NSD1: variants seen among roughly 807,000 people sequenced by gnomAD.
NSD1 encodes nuclear receptor binding SET domain protein 1.
A neutral mutation model predicts 242.7 loss-of-function variants in NSD1; 26 were observed. That is an observed-to-expected ratio of 0.11 (90% CI 0.08 to 0.15). The LOEUF is 0.15. Ranked by LOEUF, NSD1 falls within the 10% of genes least tolerant of loss-of-function variation. NSD1 has a pLI of 1.00. For synonymous variants in NSD1, 1,106 were observed against 1,178.1 expected (o/e 0.94, Z 1.25); for missense variants, 2,495 against 3,272.8 (o/e 0.76, Z 5.80).
intron 2 of NSD1, among the ~76,000 whole-genome samples, chr5:177,148,393 C>G (rs940744366): frequency 6.6e-6 from 1 of 152,112 alleles, no homozygotes; most frequent in African/African-American, 2.4e-5. Flanking sequence ...GCTGGGATTA[C>G]AGGCGTGAGC....
intron 3 of NSD1, among the ~76,000 whole-genome samples, chr5:177,198,943 C>T (rs1472311454): frequency 6.6e-6 from 1 of 152,202 alleles, no homozygotes; most frequent in Non-Finnish European, 1.5e-5. Flanking sequence ...CCTTAAGCAA[C>T]CACTAATGTA....
chr5:177,212,800 A>C (rs1763464682), intron 5 of NSD1, among the ~76,000 whole-genome samples: 1 of 151,210 alleles, frequency 6.6e-6, no homozygotes, highest in Non-Finnish European at 1.5e-5. Flanking sequence ...CCGCCACCAT[A>C]CCTGGTAATT....
At chr5:177,164,532 T>C (rs1459910419) in intron 2 of NSD1, among the ~76,000 whole-genome samples, 4 of 152,210 alleles carry the variant, frequency 2.6e-5, no homozygotes, top group African/African-American at 9.6e-5. Flanking sequence ...TTATTAACAA[T>C]CACATTGTAA....
Position 177,135,611 on chromosome 5 carries a change from C to T in NSD1, c.508C>T (p.Pro170Ser), listed in dbSNP as rs2149756206. 2 of 1,614,074 alleles carry T rather than the reference C, an allele frequency of 1.2e-6. No homozygotes were observed. Among genetic ancestry groups the T allele is most frequent in the African/African-American group, 2.7e-5 (2 of 75,002 alleles). ...TGCAGATGTAGATTCTGAAATGGAC[C>T]CAGAACAGCCAGTCACAGAGGATGA... ...DDADVDSEMD[P>S]EQPVTEDESI... The change falls in exon 2 of 23, where the codon CCA (proline) becomes TCA (serine). Residue 170 changes from proline (P) to serine (S), a missense_variant. This residue lies in a region of NSD1 where 376 missense variants were observed against 367.4 expected (regional missense o/e 1.02). Coordinates refer to ENST00000439151, the MANE Select transcript of NSD1 (RefSeq NM_022455.5).
rs772021057 is a variant in NSD1, at chr5:177,210,913, A to G, written c.2514A>G (p.Leu838=). The part of the protein sequence containing the change: ...SKSGKVDGLK[L]LNNMHEKTRD... ...GTGGGAAAGTGGATGGTCTAAAACT[A>G]CTGAACAATATGCATGAGAAAACCA... Residue 838 remains leucine, a synonymous_variant, in exon 5 of 23, where the codon CTA becomes CTG. Transcript: ENST00000439151. The G allele has an allele frequency of 1.3e-5, 21 of 1,614,058 alleles. No individual in the cohort carries two copies. The highest frequency in any genetic ancestry group is 2.7e-5 in the African/African-American group (2 of 74,914).
intron 20 of NSD1, chr5:177,288,550 A>C (rs954534346): frequency 1.3e-5 from 5 of 392,772 alleles, no homozygotes; most frequent in Non-Finnish European, 2.4e-5. Flanking sequence ...AATGGTTAAT[A>C]AACAAATGAA....
chr5:177,239,296 ATT>A (rs1406208481), intron 7 of NSD1, among the ~76,000 whole-genome samples: 3 of 152,232 alleles, frequency 2.0e-5, no homozygotes, highest in Non-Finnish European at 4.4e-5. Flanking sequence ...CCAAAACTCT[ATT>A]AAGTCAGCTC....
At chr5:177,158,297 CTTTCTTTT>C (rs1758359459) in intron 2 of NSD1, among the ~76,000 whole-genome samples, 4 of 103,990 alleles carry the variant, frequency 3.8e-5, no homozygotes, top group African/African-American at 1.4e-4. Flanking sequence ...TTCTTTCTTT[CTTTCTTTT>C]CTTTCTTTTC....
chr5:177,266,003 A>T, intron 14 of NSD1: 1 of 1,035,198 alleles, frequency 9.7e-7, no homozygotes, highest in Non-Finnish European at 1.5e-6. Context: ...CTTGATGGCC[A>T]CATCTTTGAT....
At chr5:177,166,464 C>T (rs1759207979) in intron 2 of NSD1, among the ~76,000 whole-genome samples, 1 of 151,546 alleles carries the variant, frequency 6.6e-6, no homozygotes, top group African/African-American at 2.4e-5. Context: ...AGGAGGATCA[C>T]TTGAATTGGA....
chr5:177,255,182 G>C (rs1756332642), intron 12 of NSD1, among the ~76,000 whole-genome samples: 2 of 152,044 alleles, frequency 1.3e-5, no homozygotes, highest in African/African-American at 4.8e-5. Context: ...GTGGGTGCCT[G>C]TAATCCCACA....
At chr5:177,280,507 A>G in intron 17 of NSD1, 58 bp from the exon 18 acceptor site, 2 of 1,611,372 alleles carry the variant, frequency 1.2e-6, no homozygotes, top group Non-Finnish European at 1.7e-6. Context: ...CTTTTTCAGG[A>G]CGTGAATTGT....
chr5:177,300,019 G>A lies in NSD1; in HGVS notation c.*4560G>A. The A allele has an allele frequency of 4.3e-6, 1 of 232,230 alleles. No homozygotes were observed. The highest frequency in any genetic ancestry group is 6.1e-5 in the East Asian group (1 of 16,490). The allele number at this position is 232,230 out of a possible 1,614,324, so 14.4% of individuals were successfully genotyped here. On this transcript the variant is annotated 3_prime_UTR_variant, in exon 23 of 23. Coordinates refer to ENST00000439151, the MANE Select transcript of NSD1 (RefSeq NM_022455.5). ...ACCTATATTGTTAAGAAAGGGGTCG[G>A]GGGGATCAGCCAAGGTCCATCATTG...
chr5:177,159,948 G>A (rs1446843791), intron 2 of NSD1, among the ~76,000 whole-genome samples: 3 of 151,668 alleles, frequency 2.0e-5, no homozygotes, highest in Non-Finnish European at 2.9e-5. Context: ...GGAATGCAGC[G>A]GTGTGATCTT....
Position 177,273,653 on chromosome 5 carries a change from G to A in NSD1, c.5510-19G>A, listed in dbSNP as rs1255654005. 3.8e-6 allele frequency: 6 copies of A among 1,559,772 alleles called. No individual in the cohort carries two copies. The highest frequency in any genetic ancestry group is 5.3e-6 in the Non-Finnish European group (6 of 1,130,874). ...CCACCCAGAGATTTTGAAGTGACTTGTGCTGTCTGTTTTCATAGCTCTTCA... is the reference window on the plus strand; with the variant it reads ...CCACCCAGAGATTTTGAAGTGACTTATGCTGTCTGTTTTCATAGCTCTTCA... On this transcript the variant is annotated intron_variant, in intron 16 of 22. Coordinates refer to ENST00000439151, the MANE Select transcript of NSD1 (RefSeq NM_022455.5).
At chr5:177,285,780 C>G (rs188294357) in intron 20 of NSD1, among the ~76,000 whole-genome samples, 6 of 152,206 alleles carry the variant, frequency 3.9e-5, no homozygotes, top group Admixed American at 3.9e-4. Context: ...TTTGAATGTT[C>G]TGGAAGACCT....
Position 177,135,176 on chromosome 5 carries a change from C to T in NSD1, c.73C>T (p.Pro25Ser), listed in dbSNP as rs766881071. Residue 25 changes from proline to serine, a missense_variant, in exon 2 of 23, where the codon CCT becomes TCT. Pro to Ser is a moderately conservative substitution (Grantham distance 74, BLOSUM62 -1). Coordinates refer to ENST00000439151, the MANE Select transcript of NSD1 (RefSeq NM_022455.5). ...TTCCAATCCAGTGAATTTAGATGCCCCTGAAGACAAGGACAGCCCTTTCGG... is the reference window on the plus strand; with the variant it reads ...TTCCAATCCAGTGAATTTAGATGCCTCTGAAGACAAGGACAGCCCTTTCGG... ...PFSNPVNLDA[P>S]EDKDSPFGNG... is the part of the protein sequence containing the mutation. The T allele has an allele frequency of 2.5e-6, 4 of 1,613,944 alleles. No homozygotes were observed. Among genetic ancestry groups the T allele is most frequent in the East Asian group, 4.5e-5 (2 of 44,900 alleles).
intron 5 of NSD1, among the ~76,000 whole-genome samples, chr5:177,228,947 A>G (rs375223693): frequency 6.6e-6 from 1 of 152,114 alleles, no homozygotes; most frequent in Admixed American, 6.6e-5. Flanking sequence ...CCCTCTTCCT[A>G]CCACTAGTCC....
intron 6 of NSD1, among the ~76,000 whole-genome samples, chr5:177,237,568 T>C (rs1458251099): frequency 6.7e-6 from 1 of 148,272 alleles, no homozygotes; most frequent in East Asian, 2.0e-4. Flanking sequence ...AGTCTCACTC[T>C]GTTGCCCAGG....
Sources: allele counts gnomAD v4.1 joint callset (sites outside exome capture counted in the v4.1 genomes callset), GRCh38; gene constraint gnomAD v4.1.1; regional missense constraint gnomAD v4.1.1; transcripts MANE v1.5; gene names NCBI Gene and HGNC (gene_info 2026-07-23, HGNC 2026-07-21).